Variants in ROBO2 observed in about 807,000 individuals in gnomAD.
ROBO2 encodes roundabout guidance receptor 2.
In ROBO2, 53 loss-of-function variants were observed where a neutral mutation model predicts 160.8. That is an observed-to-expected ratio of 0.33 (90% confidence interval 0.26 to 0.41). The LOEUF is 0.41. Ranked by LOEUF, ROBO2 falls within the 10% of genes least tolerant of loss-of-function variation. The pLI, the probability that ROBO2 is intolerant of heterozygous loss-of-function variation, is 1.00. For missense variants in ROBO2, 1,577 were observed against 1,722.4 expected, an observed-to-expected ratio of 0.92 and a Z score of 1.49; for synonymous variants, 664 against 611.7, an observed-to-expected ratio of 1.09 and a Z score of -1.26.
At chr3:77,035,966 A>G (rs1417027119), upstream of ROBO2, among the ~76,000 whole-genome samples, 1 of 151,954 alleles carries the variant, frequency 6.6e-6, no homozygotes, top group Non-Finnish European at 1.5e-5. Flanking sequence ...TTAAATTTTG[A>G]AGAAAAATTG....
chr3:77,360,094 A>C (rs1156699847), intron 2 of ROBO2, among the ~76,000 whole-genome samples: 1 of 152,198 alleles, frequency 6.6e-6, no homozygotes, highest in East Asian at 1.9e-4. Flanking sequence ...AAATCCCCTA[A>C]GTTTATTTAG....
chr3:76,754,848 T>C (rs2060878088), intron 2 of ROBO2, among the ~76,000 whole-genome samples: 1 of 151,840 alleles, frequency 6.6e-6, no homozygotes, highest in Admixed American at 6.6e-5. Flanking sequence ...GGTTGGGAAA[T>C]TGCAAAATAA....
chr3:76,781,679 G>T (rs970459225), intron 2 of ROBO2, among the ~76,000 whole-genome samples: 1 of 150,562 alleles, frequency 6.6e-6, no homozygotes, highest in Non-Finnish European at 1.5e-5. Context: ...TGTTCATGTG[G>T]TATATAACAT....
intron 2 of ROBO2, among the ~76,000 whole-genome samples, chr3:76,383,003 C>T: frequency 6.6e-6 from 1 of 152,046 alleles, no homozygotes; most frequent in East Asian, 1.9e-4. Flanking sequence ...GATAGGTAGA[C>T]TTTAGCATAA....
chr3:77,626,516 G>A (rs2095030975), intron 23 of ROBO2, among the ~76,000 whole-genome samples: 1 of 152,134 alleles, frequency 6.6e-6, no homozygotes, highest in Admixed American at 6.6e-5. Flanking sequence ...GCTTGTTTCT[G>A]TCTTCAGGAA....
intron 2 of ROBO2, among the ~76,000 whole-genome samples, chr3:76,893,365 G>A (rs1208793496): frequency 6.6e-6 from 1 of 151,676 alleles, no homozygotes; most frequent in African/African-American, 2.4e-5. Context: ...AACCAGACTA[G>A]CTGAATTCAT....
chr3:76,812,724 C>G (rs2065299781), intron 2 of ROBO2, among the ~76,000 whole-genome samples: 1 of 151,768 alleles, frequency 6.6e-6, no homozygotes, highest in South Asian at 2.1e-4. Flanking sequence ...CTAAAGTGTA[C>G]TCATAAAATA....
exon 8 of ROBO2, chr3:77,550,839 C>T: frequency 6.2e-7 from 1 of 1,612,990 alleles, no homozygotes; most frequent in South Asian, 1.1e-5. Context: ...CCCAAACCAA[C>T]CCCAGCAGCC....
intron 2 of ROBO2, among the ~76,000 whole-genome samples, chr3:76,053,872 A>G (rs1171018527): frequency 1.3e-5 from 2 of 152,090 alleles, no homozygotes. Context: ...ACTACTCATA[A>G]AACAGCTTTT....
chr3:77,460,965 C>T (rs1262815633), intron 2 of ROBO2, among the ~76,000 whole-genome samples: 3 of 151,902 alleles, frequency 2.0e-5, no homozygotes, highest in African/African-American at 7.3e-5. Flanking sequence ...AAGTCTTATT[C>T]GACCAAATAT....
intron 2 of ROBO2, among the ~76,000 whole-genome samples, chr3:77,398,201 A>C (rs1439350935): frequency 6.6e-6 from 1 of 152,114 alleles, no homozygotes; most frequent in Admixed American, 6.6e-5. Flanking sequence ...GTCTTTTGTA[A>C]ACTCTTTTGA....
intron 2 of ROBO2, among the ~76,000 whole-genome samples, chr3:77,435,035 G>T (rs1280491390): frequency 1.3e-5 from 2 of 151,902 alleles, no homozygotes; most frequent in Non-Finnish European, 2.9e-5. Flanking sequence ...AGGAAAATGG[G>T]CTCAACAGTC....
chr3:75,963,735 A>G (rs951004952), intron 2 of ROBO2, among the ~76,000 whole-genome samples: 9 of 151,702 alleles, frequency 5.9e-5, no homozygotes, highest in African/African-American at 1.9e-4. Flanking sequence ...TCCAAGGTCA[A>G]AGTGCTCCTC....
At chr3:76,062,494 C>T (rs2068102117) in intron 2 of ROBO2, among the ~76,000 whole-genome samples, 1 of 152,084 alleles carries the variant, frequency 6.6e-6, no homozygotes, top group Non-Finnish European at 1.5e-5. Flanking sequence ...ATTTCAAATC[C>T]AAGTTTCTCC....
chr3:76,780,729 C>T (rs146906536), intron 2 of ROBO2, among the ~76,000 whole-genome samples: 77 of 150,834 alleles, frequency 5.1e-4, no homozygotes, highest in African/African-American at 1.6e-3. Flanking sequence ...AATTAGCTGA[C>T]CGTATATGCA....
intron 2 of ROBO2, among the ~76,000 whole-genome samples, chr3:77,154,793 T>C (rs2077850021): frequency 6.6e-6 from 1 of 151,814 alleles, no homozygotes; most frequent in African/African-American, 2.4e-5. Context: ...CATGTTCTGG[T>C]TTATAAGTGA....
chr3:77,512,091 T>C lies in ROBO2; in HGVS notation c.807-10684T>C, dbSNP rs562344416. ...TGTGGTTGTCTAAAGATTAAAAACATAGACTCAGTCTGTACCAACAAAATA... is the reference window on the plus strand; with the variant it reads ...TGTGGTTGTCTAAAGATTAAAAACACAGACTCAGTCTGTACCAACAAAATA... On this transcript the variant is annotated intron_variant, in intron 5 of 25. Transcript: ENST00000461745. Among the ~76,000 whole-genome samples, 6 of 151,970 alleles carry C rather than the reference T, an allele frequency of 3.9e-5. 1 individual carries two copies. The East Asian group carries it at 7.8e-4, about 20-fold the overall frequency.
chr3:76,963,851 A>C lies in ROBO2; in HGVS notation c.110-134163A>C, dbSNP rs1472899176. On this transcript the variant is annotated intron_variant, in intron 2 of 26. Transcript: ENST00000487694. ...TGAGGAACTGCAAAAAAAAAAAAAG[A>C]AAAAAAAGAAAAAAGAAATAAAAAG... 4.3e-4 allele frequency among the ~76,000 whole-genome samples: 64 copies of C among 147,242 alleles called. 1 individual carries two copies. Among genetic ancestry groups the C allele is most frequent in the African/African-American group, 1.6e-3 (60 of 38,546 alleles).
At chr3:77,551,509 G>T (rs894100831) in intron 8 of ROBO2, among the ~76,000 whole-genome samples, 1 of 151,992 alleles carries the variant, frequency 6.6e-6, no homozygotes, top group Non-Finnish European at 1.5e-5. Context: ...TGGCACATAT[G>T]CACTTTGAAT....
Sources: allele counts gnomAD v4.1 joint callset (sites outside exome capture counted in the v4.1 genomes callset), GRCh38; gene constraint gnomAD v4.1.1; transcripts MANE v1.5; gene names NCBI Gene and HGNC (gene_info 2026-07-23, HGNC 2026-07-21).